The following STAG1 variants were observed in gnomAD, a reference collection of about 807,000 sequenced individuals.
STAG1 encodes the protein cohesin subunit SA-1.
In STAG1, 26 loss-of-function variants were observed where a neutral mutation model predicts 170.9. The observed-to-expected ratio is 0.15, with a 90% CI of 0.11 to 0.21. The LOEUF (loss-of-function observed/expected upper bound fraction) is 0.21. Among genes scored for constraint, STAG1 ranks in the 10% least tolerant of loss-of-function variants. The pLI, the probability that STAG1 is intolerant of heterozygous loss-of-function variation, is 1.00. For missense variants in STAG1, 964 were observed against 1,509.5 expected (o/e 0.64, Z 5.99); for synonymous variants, 514 against 497.7 (o/e 1.03, Z -0.44).
chr3:136,493,093 G>C (rs2090152251), intron 9 of STAG1, among the ~76,000 whole-genome samples: 1 of 152,184 alleles, frequency 6.6e-6, no homozygotes, highest in African/African-American at 2.4e-5. Flanking sequence ...CCTAATCACA[G>C]CACTTTGGGA....
At chr3:136,457,650 T>A (rs1398914999) in intron 13 of STAG1, among the ~76,000 whole-genome samples, 1 of 152,114 alleles carries the variant, frequency 6.6e-6, no homozygotes, top group Non-Finnish European at 1.5e-5. Flanking sequence ...TTGGGTCTGA[T>A]CACCCCAACA....
chr3:136,426,016 T>C (rs1209074405), intron 16 of STAG1, among the ~76,000 whole-genome samples: 2 of 151,586 alleles, frequency 1.3e-5, no homozygotes, highest in Admixed American at 1.3e-4. Flanking sequence ...CATTTGTCCC[T>C]TGAACAACAT....
At chr3:136,611,224 A>T (rs1939258768) in intron 3 of STAG1, among the ~76,000 whole-genome samples, 1 of 152,104 alleles carries the variant, frequency 6.6e-6, no homozygotes, top group East Asian at 1.9e-4. Flanking sequence ...ATCTAGGCTC[A>T]CTGCAACCTC....
At chr3:136,687,735 C>A (rs1402562110) in intron 1 of STAG1, among the ~76,000 whole-genome samples, 1 of 147,004 alleles carries the variant, frequency 6.8e-6, no homozygotes, top group African/African-American at 2.6e-5. Context: ...AAGAAGAGAC[C>A]AATTTTTTTT....
chr3:136,428,654 T>C (rs1038557310), intron 16 of STAG1, among the ~76,000 whole-genome samples: 5 of 152,238 alleles, frequency 3.3e-5, no homozygotes, highest in South Asian at 2.1e-4. Context: ...AATGCCATTG[T>C]TGTTCTAAAG....
chr3:136,535,307 C>T (rs543665753), intron 6 of STAG1, among the ~76,000 whole-genome samples: 1 of 152,226 alleles, frequency 6.6e-6, no homozygotes, highest in African/African-American at 2.4e-5. Context: ...GAAATAAGTT[C>T]TAATGTTCGA....
rs937461811 is a variant in STAG1 at position 136,367,223 on chromosome 3, G to A, written c.2546-141C>T. The A allele has an allele frequency of 7.5e-6, 5 of 668,548 alleles. No homozygotes were observed. In the African/African-American group the frequency reaches 9.0e-5, roughly 12 times the overall value. 41.4% of individuals were successfully genotyped at this position (668,548 alleles called of 1,614,324 possible). The stretch of plus-strand genomic sequence containing the variant: ...TTCAGTTTTAGATGGGACAAAAACT[G>A]TTACATTAATTATTTTAGGGTGCTG... On this transcript the variant is annotated intron_variant, in intron 24 of 33. Transcript: ENST00000383202.
intron 28 of STAG1, among the ~76,000 whole-genome samples, chr3:136,350,232 C>T (rs1936385278): frequency 6.6e-6 from 1 of 152,192 alleles, no homozygotes; most frequent in East Asian, 1.9e-4. Flanking sequence ...TTGTTTCCTT[C>T]TCCCTGCCAC....
intron 9 of STAG1, among the ~76,000 whole-genome samples, chr3:136,496,366 A>AG (rs1355801631): frequency 2.6e-5 from 4 of 152,176 alleles, no homozygotes; most frequent in Non-Finnish European, 5.9e-5. Flanking sequence ...AGGTATCTAT[A>AG]GGTATCTATT....
At chr3:136,463,359 G>A (rs2089329644) in intron 13 of STAG1, among the ~76,000 whole-genome samples, 1 of 152,108 alleles carries the variant, frequency 6.6e-6, no homozygotes, top group Non-Finnish European at 1.5e-5. Flanking sequence ...GAGAGGACCA[G>A]GCCTGCTCAT....
intron 4 of STAG1, among the ~76,000 whole-genome samples, chr3:136,585,617 TAAA>T: frequency 6.6e-6 from 1 of 151,278 alleles, no homozygotes; most frequent in African/African-American, 2.4e-5. Flanking sequence ...ATAATAATAA[TAAA>T]AAAATAAAAT....
chr3:136,603,613 G>A (rs940939588), intron 4 of STAG1, among the ~76,000 whole-genome samples: 5 of 152,134 alleles, frequency 3.3e-5, no homozygotes, highest in East Asian at 1.9e-4. Context: ...GGCCGGGCGC[G>A]GTGGCTCACG....
chr3:136,663,521 T>G (rs976369333), intron 1 of STAG1, among the ~76,000 whole-genome samples: 1 of 152,156 alleles, frequency 6.6e-6, no homozygotes, highest in African/African-American at 2.4e-5. Flanking sequence ...GAATGAAAGA[T>G]TTTACAGGTA....
intron 4 of STAG1, among the ~76,000 whole-genome samples, chr3:136,579,178 A>T (rs1937540531): frequency 6.6e-6 from 1 of 152,216 alleles, no homozygotes; most frequent in Admixed American, 6.5e-5. Context: ...CTGGAACTTG[A>T]TATGCAGCTA....
rs1330610565 is a variant in STAG1, at chr3:136,735,871, G to C, written c.-84+16324C>G. On this transcript the variant is annotated intron_variant, in intron 1 of 33. Transcript: ENST00000383202. ...GCAGACAAGCTAGGACATGGTACTGGGTGGAGGACGGCTAGCTCTTTGGAA... is the reference window on the plus strand; with the variant it reads ...GCAGACAAGCTAGGACATGGTACTGCGTGGAGGACGGCTAGCTCTTTGGAA... Among the ~76,000 whole-genome samples the C allele has an allele frequency of 2.0e-5, 3 of 152,234 alleles. No individual in the cohort carries two copies. The East Asian group carries it at 5.8e-4, about 29-fold the overall frequency.
intron 33 of STAG1, 43 bp downstream of exon 33, chr3:136,338,327 C>A: frequency 1.9e-6 from 3 of 1,585,594 alleles, no homozygotes; most frequent in Non-Finnish European, 2.6e-6. Context: ...ATAAACAGGA[C>A]CCAGGAACCA....
intron 6 of STAG1, among the ~76,000 whole-genome samples, chr3:136,532,000 A>T (rs1390987715): frequency 5.3e-5 from 8 of 152,142 alleles, no homozygotes; most frequent in Non-Finnish European, 1.5e-5. Context: ...CCAAATGCAA[A>T]ATTAACAGCA....
At chr3:136,356,590 AG>A (rs976600354) in intron 28 of STAG1, among the ~76,000 whole-genome samples, 2 of 152,058 alleles carry the variant, frequency 1.3e-5, no homozygotes, top group African/African-American at 4.8e-5. Context: ...CTACGTTGCC[AG>A]GACTGGTCTT....
intron 13 of STAG1, among the ~76,000 whole-genome samples, chr3:136,463,158 G>A (rs988776008): frequency 6.6e-6 from 1 of 152,172 alleles, no homozygotes; most frequent in African/African-American, 2.4e-5. Context: ...ACTAGGAAAT[G>A]CAATATTATT....
Sources: gnomAD v4.1 joint callset for allele counts (sites outside exome capture counted in the v4.1 genomes callset) on GRCh38, gnomAD v4.1.1 for gene constraint, MANE v1.5 for transcripts, NCBI Gene and HGNC (gene_info 2026-07-23, HGNC 2026-07-21) for gene names.